Variants in EMCN observed in about 807,000 individuals in gnomAD.
EMCN encodes the protein MUC-14.
EMCN carries 37 observed loss-of-function variants against 38.4 expected under a neutral mutation model. The ratio of observed to expected loss-of-function variants is 0.96; its 90% CI spans 0.74 to 1.27. EMCN has a LOEUF of 1.27. Ranked by LOEUF, EMCN falls within the 50% of genes most tolerant of loss-of-function variation. The probability of loss-of-function intolerance (pLI) is 0.00; values close to 1 mark genes in which losing one functional copy is unlikely to be tolerated. For missense variants in EMCN, 318 were observed against 302.8 expected (o/e 1.05, Z -0.37); for synonymous variants, 95 against 100.8 (o/e 0.94, Z 0.35).
intron 5 of EMCN, among the ~76,000 whole-genome samples, chr4:100,441,563 T>C (rs1257970861): frequency 1.3e-5 from 2 of 152,194 alleles, no homozygotes; most frequent in Non-Finnish European, 2.9e-5. Context: ...TTCTGATTAT[T>C]GGTAGCTTCG....
intron 1 of EMCN, among the ~76,000 whole-genome samples, chr4:100,485,256 T>TA (rs1728911657): frequency 6.6e-6 from 1 of 152,178 alleles, no homozygotes; most frequent in Non-Finnish European, 1.5e-5. Flanking sequence ...CATGCATTGC[T>TA]ACCTTGTATT....
intron 11 of EMCN, among the ~76,000 whole-genome samples, chr4:100,403,550 T>C (rs1425077324): frequency 6.6e-6 from 1 of 151,922 alleles, no homozygotes; most frequent in Non-Finnish European, 1.5e-5. Context: ...TGTCATGTGA[T>C]TTGGTAGTAA....
At chr4:100,418,003 C>T (rs1352553584) in intron 8 of EMCN, among the ~76,000 whole-genome samples, 2 of 152,122 alleles carry the variant, frequency 1.3e-5, no homozygotes, top group Non-Finnish European at 2.9e-5. Flanking sequence ...CTGGCTTTGA[C>T]TATCCTTGTT....
At chr4:100,411,559 A>G (rs1726553504) in intron 10 of EMCN, among the ~76,000 whole-genome samples, 1 of 152,206 alleles carries the variant, frequency 6.6e-6, no homozygotes, top group African/African-American at 2.4e-5. Flanking sequence ...ATTTATAGTA[A>G]AAGAAAACAA....
chr4:100,398,975 G>A (rs940945690), intron 11 of EMCN, among the ~76,000 whole-genome samples: 1 of 152,212 alleles, frequency 6.6e-6, no homozygotes, highest in Middle Eastern at 3.4e-3. Context: ...ATCACTGATG[G>A]GATACAGTTC....
At position 100,397,094 on chromosome 4, in the gene EMCN, G is replaced by A. The variant is rs1464192124; in HGVS notation, c.*1319C>T. 6.6e-6 allele frequency: 1 copy of A among 152,086 alleles called. No individual in the cohort carries two copies. Among genetic ancestry groups the A allele is most frequent in the African/African-American group, 2.4e-5 (1 of 41,432 alleles). 9.4% of individuals were successfully genotyped at this position (152,086 alleles called of 1,614,324 possible). A position where few individuals can be genotyped will look rare whatever the true frequency, so the allele number is the denominator to read the frequency against. On this transcript the variant is annotated 3_prime_UTR_variant, in exon 12 of 12. Coordinates refer to ENST00000296420, the MANE Select transcript of EMCN (RefSeq NM_016242.4). ...TATATAACTCCTAAAGATGGAAGTT[G>A]TCAAAATACATCACCACAAAACAAA...
chr4:100,455,596 T>G (rs910484750), intron 4 of EMCN, among the ~76,000 whole-genome samples: 30 of 152,016 alleles, frequency 2.0e-4, no homozygotes, highest in African/African-American at 7.2e-4. Context: ...GCTGTAATTT[T>G]TATCATTGTT....
intron 7 of EMCN, among the ~76,000 whole-genome samples, chr4:100,422,260 G>C (rs17030122): frequency 0.014 from 2,110 of 152,120 alleles, 56 homozygotes; most frequent in African/African-American, 0.049. Context: ...AGTAAGTTCT[G>C]CTGATTTCAT....
chr4:100,496,161 TG>T (rs1157045294), intron 1 of EMCN, among the ~76,000 whole-genome samples: 1 of 152,154 alleles, frequency 6.6e-6, no homozygotes. Context: ...CTTTAAAATC[TG>T]GGAATATTGC....
At chr4:100,442,623 A>AT (rs1727555843) in intron 5 of EMCN, among the ~76,000 whole-genome samples, 1 of 151,696 alleles carries the variant, frequency 6.6e-6, no homozygotes, top group Non-Finnish European at 1.5e-5. Flanking sequence ...AACTTCACAG[A>AT]TTTTATCTTC....
At position 100,423,376 on chromosome 4, in the gene EMCN, A is replaced by T. The variant is rs1421140776; in HGVS notation, c.444T>A (p.Pro148=). 1.2e-6 allele frequency: 2 copies of T among 1,612,864 alleles called. No homozygotes were observed. Among genetic ancestry groups the T allele is most frequent in the East Asian group, 4.5e-5 (2 of 44,820 alleles). The part of the protein sequence containing the change: ...PGSVLQPDAS[P]SKTGTLTSIP... ...TTGAGGTTAATGTACCAGTTTTAGA[A>T]GGTGATGCATCTGGTTGTAGAACAC... is the stretch of plus-strand genomic sequence containing the variant. Residue 148 remains proline, a synonymous_variant, in exon 6 of 12, where the codon CCT becomes CCA. Transcript: ENST00000296420.
Position 100,511,405 on chromosome 4 carries a change from C to A in EMCN, c.64+6446G>T, listed in dbSNP as rs571424799. ...ACCGTTCCCAACTGTGATCTCCATTCTCTAGTCTTTGACACAACTAATACA... is the reference window on the plus strand; with the variant it reads ...ACCGTTCCCAACTGTGATCTCCATTATCTAGTCTTTGACACAACTAATACA... On this transcript the variant is annotated intron_variant, in intron 1 of 11. Coordinates refer to ENST00000296420, the MANE Select transcript of EMCN (RefSeq NM_016242.4). Among the ~76,000 whole-genome samples, 5 of 152,270 alleles carry A rather than the reference C, an allele frequency of 3.3e-5. No homozygotes were observed. The East Asian group carries it at 9.7e-4, about 29-fold the overall frequency.
intron 2 of EMCN, among the ~76,000 whole-genome samples, chr4:100,479,180 A>T (rs1338944863): frequency 6.6e-6 from 1 of 152,166 alleles, no homozygotes; most frequent in Non-Finnish European, 1.5e-5. Flanking sequence ...AATTTCAGTT[A>T]TCCATTCATC....
chr4:100,448,825 TCCCTCCC>T (rs1727755876), intron 4 of EMCN, among the ~76,000 whole-genome samples: 1 of 146,432 alleles, frequency 6.8e-6, no homozygotes, highest in African/African-American at 2.6e-5. Context: ...CCTTCCTTCC[TCCCTCCC>T]TCCCTCCCTC....
At chr4:100,516,541 A>G (rs949019147) in intron 1 of EMCN, among the ~76,000 whole-genome samples, 2 of 152,128 alleles carry the variant, frequency 1.3e-5, no homozygotes, top group South Asian at 4.1e-4. Context: ...TTTCTGTGGT[A>G]CCACATAAAT....
chr4:100,401,095 G>A (rs1373212787), intron 11 of EMCN, among the ~76,000 whole-genome samples: 1 of 152,006 alleles, frequency 6.6e-6, no homozygotes, highest in Non-Finnish European at 1.5e-5. Flanking sequence ...AATGGCCATA[G>A]GAGAAAAGAT....
At chr4:100,503,846 C>A (rs971005924) in intron 1 of EMCN, among the ~76,000 whole-genome samples, 4 of 152,132 alleles carry the variant, frequency 2.6e-5, no homozygotes, top group African/African-American at 9.6e-5. Context: ...TTATATTAAA[C>A]CCAGAGAAAA....
At chr4:100,459,424 A>G (rs1421070824) in intron 4 of EMCN, among the ~76,000 whole-genome samples, 1 of 152,158 alleles carries the variant, frequency 6.6e-6, no homozygotes, top group Non-Finnish European at 1.5e-5. Context: ...TGTGGTCAGA[A>G]CATTTAAAAT....
intron 1 of EMCN, among the ~76,000 whole-genome samples, chr4:100,513,148 T>C (rs1729671040): frequency 6.6e-6 from 1 of 152,196 alleles, no homozygotes; most frequent in African/African-American, 2.4e-5. Context: ...CTTTTGAAAG[T>C]AGGAGTTCTA....
Sources: allele counts gnomAD v4.1 joint callset (sites outside exome capture counted in the v4.1 genomes callset), GRCh38; gene constraint gnomAD v4.1.1; transcripts MANE v1.5; gene names NCBI Gene and HGNC (gene_info 2026-07-23, HGNC 2026-07-21).